SPON1: variants seen among roughly 807,000 people sequenced by gnomAD.
SPON1 encodes the protein spondin-1.
In SPON1, 52 loss-of-function variants were observed where a neutral mutation model predicts 111.7. The ratio of observed to expected loss-of-function variants is 0.47; its 90% CI spans 0.37 to 0.59. SPON1 has a LOEUF of 0.59. Ranked by LOEUF, SPON1 falls within the 20% of genes least tolerant of loss-of-function variation. The pLI is 0.00. For synonymous variants in SPON1, 410 were observed against 395.8 expected (o/e 1.04, Z -0.43); for missense variants, 957 against 1,068.5 (o/e 0.90, Z 1.46).
chr11:14,002,242 T>C (rs555843813), intron 2 of SPON1, among the ~76,000 whole-genome samples: 2 of 152,310 alleles, frequency 1.3e-5, no homozygotes, highest in African/African-American at 2.4e-5. Context: ...CAACTGGTAA[T>C]GAACATCAGA....
At chr11:14,154,742 G>A (rs942420459) in intron 6 of SPON1, among the ~76,000 whole-genome samples, 1 of 152,188 alleles carries the variant, frequency 6.6e-6, no homozygotes, top group Non-Finnish European at 1.5e-5. Flanking sequence ...TGGCCAGGCT[G>A]CAAGTTTTCC....
intron 6 of SPON1, among the ~76,000 whole-genome samples, chr11:14,159,445 G>A (rs1208821172): frequency 2.6e-5 from 4 of 152,152 alleles, no homozygotes; most frequent in Non-Finnish European, 5.9e-5. Flanking sequence ...ATGCAAATTA[G>A]TACAAGAACT....
At chr11:14,188,967 G>C (rs568377340) in intron 6 of SPON1, among the ~76,000 whole-genome samples, 16 of 152,228 alleles carry the variant, frequency 1.1e-4, no homozygotes, top group Non-Finnish European at 2.2e-4. Context: ...AAAGTGATTG[G>C]GTTTAACCAA....
chr11:14,178,906 C>T (rs1017176420), intron 6 of SPON1, among the ~76,000 whole-genome samples: 1 of 152,218 alleles, frequency 6.6e-6, no homozygotes, highest in African/African-American at 2.4e-5. Flanking sequence ...GAGACCGTGG[C>T]AGCCTGCTAG....
At chr11:14,263,073 A>G (rs1849208793) in intron 15 of SPON1, 98 bp downstream of exon 15, 1 of 1,206,518 alleles carries the variant, frequency 8.3e-7, no homozygotes, top group Non-Finnish European at 1.1e-6. Flanking sequence ...AAAAAAAAAA[A>G]AGTCGGGGAG....
In SPON1 at chr11:14,268,101, A is replaced by T. The variant is rs989247049; in HGVS notation, c.*2414A>T. 2.6e-5 allele frequency among the ~76,000 whole-genome samples: 4 copies of T among 152,186 alleles called. No homozygotes were observed. The highest frequency in any genetic ancestry group is 1.5e-5 in the Non-Finnish European group (1 of 68,024). On this transcript the variant is annotated 3_prime_UTR_variant, in exon 16 of 16. Coordinates refer to ENST00000576479, the MANE Select transcript of SPON1 (RefSeq NM_006108.4). ...CTGGGTTTCTATAGACCCAGAACTG[A>T]AAAAATAAACATCGTGCTGTTTTTA... is the stretch of plus-strand genomic sequence containing the variant.
chr11:14,018,679 A>C (rs77876504), intron 2 of SPON1, among the ~76,000 whole-genome samples: 1 of 152,178 alleles, frequency 6.6e-6, no homozygotes. Context: ...GAGAAGTCAG[A>C]AAAAGCCTCC....
intron 3 of SPON1, among the ~76,000 whole-genome samples, chr11:14,046,994 A>T (rs782275167): frequency 1.3e-5 from 2 of 152,110 alleles, no homozygotes; most frequent in Non-Finnish European, 2.9e-5. Context: ...GTGCTTTCTA[A>T]TCATTGATCC....
rs572201967 is a variant in SPON1, at chr11:14,062,124, G to A, written c.480-13221G>A. On this transcript the variant is annotated intron_variant, in intron 3 of 15. Transcript: ENST00000576479. ...TCCATTGCTCCGGACCTACACCTGT[G>A]TAAGTGACTCATCTTCCCTTAATTT... is the stretch of plus-strand genomic sequence containing the variant. Among the ~76,000 whole-genome samples, 13 of 152,290 alleles carry A rather than the reference G, an allele frequency of 8.5e-5. No individual in the cohort carries two copies. In the East Asian group the frequency reaches 2.3e-3, roughly 27 times the overall value.
At chr11:14,189,108 A>G (rs976912408) in intron 6 of SPON1, among the ~76,000 whole-genome samples, 1 of 152,344 alleles carries the variant, frequency 6.6e-6, no homozygotes, top group Non-Finnish European at 1.5e-5. Context: ...CTCAATACAG[A>G]AAGAGTGGAA....
At chr11:14,177,194 C>A (rs1249274229) in intron 6 of SPON1, among the ~76,000 whole-genome samples, 1 of 152,194 alleles carries the variant, frequency 6.6e-6, no homozygotes, top group Non-Finnish European at 1.5e-5. Flanking sequence ...GCGCCCACCA[C>A]CATACGCAGC....
chr11:14,050,997 G>A (rs1045563714), intron 3 of SPON1, among the ~76,000 whole-genome samples: 2 of 152,190 alleles, frequency 1.3e-5, no homozygotes, highest in Admixed American at 6.5e-5. Context: ...ATTGCAGTGG[G>A]GGCAGAGATG....
At chr11:13,983,607 T>G (rs1442751744) in intron 2 of SPON1, among the ~76,000 whole-genome samples, 2 of 152,180 alleles carry the variant, frequency 1.3e-5, no homozygotes, top group Non-Finnish European at 2.9e-5. Context: ...TGAGTCATAT[T>G]TCACTGTGGA....
At chr11:14,049,977 C>G (rs1848696321) in intron 3 of SPON1, among the ~76,000 whole-genome samples, 1 of 151,588 alleles carries the variant, frequency 6.6e-6, no homozygotes, top group South Asian at 2.1e-4. Context: ...TTGGCCCTGT[C>G]GATGCAATCC....
intron 2 of SPON1, among the ~76,000 whole-genome samples, chr11:14,032,661 G>A (rs1848567785): frequency 1.3e-5 from 2 of 152,320 alleles, no homozygotes; most frequent in Non-Finnish European, 2.9e-5. Flanking sequence ...TGTGGTCAAA[G>A]TCATCTAATT....
At chr11:14,080,463 A>T (rs782370372) in intron 5 of SPON1, among the ~76,000 whole-genome samples, 14 of 152,150 alleles carry the variant, frequency 9.2e-5, no homozygotes, top group Non-Finnish European at 2.1e-4. Flanking sequence ...ACCTGACCTC[A>T]GGTGCTCCAC....
At chr11:14,245,143 G>A (rs1848974938) in intron 7 of SPON1, among the ~76,000 whole-genome samples, 1 of 152,194 alleles carries the variant, frequency 6.6e-6, no homozygotes, top group African/African-American at 2.4e-5. Context: ...CACAGGATAG[G>A]AAGGGAGGAA....
At chr11:14,025,712 G>T (rs1554915234) in intron 2 of SPON1, among the ~76,000 whole-genome samples, 2 of 152,152 alleles carry the variant, frequency 1.3e-5, no homozygotes, top group African/African-American at 2.4e-5. Context: ...GGTTCTTGGG[G>T]CTGGGAAATG....
chr11:14,184,099 A>G (rs1591403047), intron 6 of SPON1, among the ~76,000 whole-genome samples: 1 of 152,150 alleles, frequency 6.6e-6, no homozygotes, highest in South Asian at 2.1e-4. Flanking sequence ...TCAACCGAAC[A>G]ATAATTTCAT....
Sources: allele counts gnomAD v4.1 joint callset (sites outside exome capture counted in the v4.1 genomes callset), GRCh38; gene constraint gnomAD v4.1.1; transcripts MANE v1.5; gene names NCBI Gene and HGNC (gene_info 2026-07-23, HGNC 2026-07-21).